Variants in USH2A observed in about 807,000 individuals in gnomAD.
USH2A encodes the protein Usher syndrome 2A (autosomal recessive, mild).
USH2A carries 443 observed loss-of-function variants against 538.9 expected under a neutral mutation model. The observed-to-expected ratio is 0.82, with a 90% CI of 0.76 to 0.89. The LOEUF (loss-of-function observed/expected upper bound fraction) is 0.89. USH2A is among the 40% of genes least tolerant of loss of function. The probability of loss-of-function intolerance (pLI) is 0.00; values close to 1 mark genes in which losing one functional copy is unlikely to be tolerated. For synonymous variants in USH2A, 2,413 were observed against 2,273.5 expected, an observed-to-expected ratio of 1.06 and a Z score of -1.75; for missense variants, 6,633 against 6,324.8, an observed-to-expected ratio of 1.05 and a Z score of -1.65.
At chr1:215,843,187 G>A (rs1663732955) in intron 46 of USH2A, among the ~76,000 whole-genome samples, 1 of 152,078 alleles carries the variant, frequency 6.6e-6, no homozygotes, top group South Asian at 2.1e-4. Context: ...TAAATGGATA[G>A]AACCAGTAAA....
intron 43 of USH2A, among the ~76,000 whole-genome samples, chr1:215,872,874 C>T (rs1664659805): frequency 1.3e-5 from 2 of 152,086 alleles, no homozygotes; most frequent in South Asian, 4.2e-4. Flanking sequence ...TGCTCCCTCT[C>T]TTGCCATGTG....
chr1:215,970,537 G>A (rs1667467761), intron 36 of USH2A, 88 bp downstream of exon 36: 2 of 1,540,902 alleles, frequency 1.3e-6, no homozygotes, highest in Non-Finnish European at 1.8e-6. Context: ...GCTGTGCAGA[G>A]GGTGAGTCAC....
intron 9 of USH2A, among the ~76,000 whole-genome samples, chr1:216,294,072 G>T (rs2037057672): frequency 6.6e-6 from 1 of 152,010 alleles, no homozygotes; most frequent in Admixed American, 6.6e-5. Flanking sequence ...TATGTAATAG[G>T]TCTGTTATGT....
chr1:215,792,971 TA>T lies in USH2A; in HGVS notation c.9959-2690del, dbSNP rs1662023716. Among the ~76,000 whole-genome samples, 2 of 152,156 alleles carry T rather than the reference TA, an allele frequency of 1.3e-5. 1 individual carries two copies. The highest frequency in any genetic ancestry group is 1.3e-4 in the Admixed American group (2 of 15,276). On this transcript the variant is annotated intron_variant, in intron 50 of 71. Coordinates refer to ENST00000307340, the MANE Select transcript of USH2A (RefSeq NM_206933.4). ...AGTGGTACAGTACACATTAAACTAG[TA>T]GGTGTTTATTTTTCAGATGAAAAAG...
At chr1:215,875,949 GTATATAA>G (rs1176873424) in intron 43 of USH2A, among the ~76,000 whole-genome samples, 1 of 129,200 alleles carries the variant, frequency 7.7e-6, no homozygotes, top group African/African-American at 2.8e-5. Flanking sequence ...AATTAATAAT[GTATATAA>G]TATATAAAAA....
chr1:215,870,287 AT>A (rs754723581), intron 43 of USH2A, among the ~76,000 whole-genome samples: 490 of 145,276 alleles, frequency 3.4e-3, no homozygotes, highest in Non-Finnish European at 5.6e-3. Context: ...TTTATTTTTT[AT>A]TTTTTTTTTA....
At chr1:215,783,174 A>G (rs138814940) in intron 52 of USH2A, among the ~76,000 whole-genome samples, 160 of 152,214 alleles carry the variant, frequency 1.1e-3, no homozygotes, top group African/African-American at 3.8e-3. Context: ...CTGAGCAGAG[A>G]AAGAGGGATA....
chr1:216,221,746 T>C (rs2035461324), intron 14 of USH2A, among the ~76,000 whole-genome samples: 1 of 152,196 alleles, frequency 6.6e-6, no homozygotes. Context: ...CTCTTTCTCC[T>C]TTGTTGACAC....
chr1:215,993,914 G>A lies in USH2A; in HGVS notation c.6658-747C>T, dbSNP rs75835367. Among the ~76,000 whole-genome samples, 24 of 152,142 alleles carry A rather than the reference G, an allele frequency of 1.6e-4. No individual in the cohort carries two copies. In the East Asian group the frequency reaches 4.1e-3, roughly 26 times the overall value. On this transcript the variant is annotated intron_variant, in intron 34 of 71. Coordinates refer to ENST00000307340, the MANE Select transcript of USH2A (RefSeq NM_206933.4). ...TAACATGAATGTTACAGAAACTTCC[G>A]TGTGCAATTTCATAATAAACTGCAA...
intron 32 of USH2A, among the ~76,000 whole-genome samples, chr1:216,003,698 A>C (rs1668326128): frequency 6.6e-6 from 1 of 152,096 alleles, no homozygotes; most frequent in South Asian, 2.1e-4. Context: ...AGATTTAATG[A>C]GGGGTCAGTT....
At chr1:215,783,995 G>C (rs1661720366) in intron 52 of USH2A, among the ~76,000 whole-genome samples, 1 of 152,010 alleles carries the variant, frequency 6.6e-6, no homozygotes, top group African/African-American at 2.4e-5. Flanking sequence ...TAAATTATGG[G>C]GCAGAACTTC....
intron 31 of USH2A, among the ~76,000 whole-genome samples, 160 bp downstream of exon 31, chr1:216,048,374 G>A (rs1001730711): frequency 3.3e-5 from 5 of 152,040 alleles, no homozygotes; most frequent in South Asian, 2.1e-4. Flanking sequence ...ATTCATTTTC[G>A]CACCCCCCCA....
intron 61 of USH2A, among the ~76,000 whole-genome samples, chr1:215,693,619 C>T (rs752054934): frequency 3.3e-5 from 5 of 152,068 alleles, no homozygotes; most frequent in Non-Finnish European, 5.9e-5. Flanking sequence ...ATCTTTATAT[C>T]GATCAATAGT....
At chr1:216,011,633 T>C (rs1190388537) in intron 32 of USH2A, among the ~76,000 whole-genome samples, 1 of 152,154 alleles carries the variant, frequency 6.6e-6, no homozygotes, top group African/African-American at 2.4e-5. Flanking sequence ...CTAGCCATCA[T>C]GTCTCCGTGC....
Position 215,670,976 on chromosome 1 carries a change from T to A in USH2A, c.14129A>T (p.Tyr4710Phe). The A allele has an allele frequency of 6.2e-7, 1 of 1,614,114 alleles. No individual in the cohort carries two copies. Among genetic ancestry groups the A allele is most frequent in the Non-Finnish European group, 8.5e-7 (1 of 1,179,946 alleles). ...SELLPFTEYE[Y>F]QVWAVNSAGK... ...TTTATAATACACATTTCTTACCTGA[T>A]ACTCATACTCTGTGAAAGGCAATAG... is the stretch of plus-strand genomic sequence containing the variant. Residue 4710 changes from tyrosine (Y) to phenylalanine (F), a missense_variant, in exon 64 of 72, where the codon TAT becomes TTT. By Grantham distance (22) the Tyr-to-Phe change is conservative. Transcript: ENST00000307340.
chr1:216,408,985 A>G (rs2039438689), intron 3 of USH2A, among the ~76,000 whole-genome samples: 1 of 152,172 alleles, frequency 6.6e-6, no homozygotes, highest in Non-Finnish European at 1.5e-5. Flanking sequence ...TTTCCATTTG[A>G]TATTTTCAGA....
intron 9 of USH2A, among the ~76,000 whole-genome samples, chr1:216,303,973 C>T (rs967775268): frequency 1.3e-5 from 2 of 151,830 alleles, no homozygotes; most frequent in Non-Finnish European, 2.9e-5. Flanking sequence ...ATAGAGTCAC[C>T]TCCACTCTGT....
At chr1:216,240,619 A>T (rs1255948136) in intron 13 of USH2A, among the ~76,000 whole-genome samples, 1 of 152,056 alleles carries the variant, frequency 6.6e-6, no homozygotes, top group African/African-American at 2.4e-5. Context: ...AAAAGTTTTC[A>T]TATAATAGTA....
Position 216,207,403 on chromosome 1 carries a change from T to C in USH2A, c.3186A>G (p.Gly1062=), listed in dbSNP as rs767911557. 3.1e-6 allele frequency: 5 copies of C among 1,613,886 alleles called. No individual in the cohort carries two copies. The African/African-American group carries it at 6.7e-5, about 22-fold the overall frequency. The change falls in exon 16 of 72, where the codon GGA becomes GGG. Residue 1062 remains glycine (G), a synonymous_variant. Coordinates refer to ENST00000307340, the MANE Select transcript of USH2A (RefSeq NM_206933.4). ...TGATAGCAGAAGAACTTTGAACTTG[T>C]CCTCTGGGCGGAGGTTGCTGGAATG... ...KTPFQQPPPR[G]QVQSSSAINL...
Sources: gnomAD v4.1 joint callset for allele counts (sites outside exome capture counted in the v4.1 genomes callset) on GRCh38, gnomAD v4.1.1 for gene constraint, MANE v1.5 for transcripts, NCBI Gene and HGNC (gene_info 2026-07-23, HGNC 2026-07-21) for gene names.